PCCA: variants seen among roughly 807,000 people sequenced by gnomAD.
PCCA encodes propionyl-CoA carboxylase alpha chain, mitochondrial.
PCCA carries 74 observed loss-of-function variants against 101.3 expected under a neutral mutation model. That is an observed-to-expected ratio of 0.73 (90% CI 0.61 to 0.89). The LOEUF (loss-of-function observed/expected upper bound fraction) is 0.89, where lower values mean the gene tolerates loss of function less well. PCCA is among the 40% of genes least tolerant of loss of function. The pLI, the probability that PCCA is intolerant of heterozygous loss-of-function variation, is 0.00. For synonymous variants in PCCA, 294 were observed against 313.6 expected (o/e 0.94, Z 0.66); for missense variants, 891 against 907.0 (o/e 0.98, Z 0.23).
chr13:100,401,835 G>C lies in PCCA; in HGVS notation c.1747-23798G>C, dbSNP rs202138833. ...ATAATAGAATAGTCTTACTTTGTTTGCAGAATTAGAAGGATTTATCTAACA... is the reference window on the plus strand; with the variant it reads ...ATAATAGAATAGTCTTACTTTGTTTCCAGAATTAGAAGGATTTATCTAACA... On this transcript the variant is annotated intron_variant, in intron 19 of 23. Coordinates refer to ENST00000376285, the MANE Select transcript of PCCA (RefSeq NM_000282.4). Among the ~76,000 whole-genome samples the C allele has an allele frequency of 8.5e-5, 13 of 152,148 alleles. No homozygotes were observed. In the East Asian group the frequency reaches 2.5e-3, roughly 29 times the overall value.
intron 6 of PCCA, among the ~76,000 whole-genome samples, chr13:100,207,285 GTT>G (rs539755979): frequency 7.9e-5 from 12 of 152,166 alleles, no homozygotes; most frequent in Non-Finnish European, 1.3e-4. Flanking sequence ...CTTTTCTTTT[GTT>G]TTGCTTTTGG....
intron 10 of PCCA, among the ~76,000 whole-genome samples, chr13:100,266,082 G>T (rs1261950004): frequency 2.0e-5 from 3 of 152,150 alleles, no homozygotes; most frequent in Non-Finnish European, 2.9e-5. Context: ...TTGTAAGATC[G>T]TAGGGGCAGA....
At chr13:100,495,974 T>C (rs1204861200) in intron 21 of PCCA, among the ~76,000 whole-genome samples, 1 of 151,974 alleles carries the variant, frequency 6.6e-6, no homozygotes, top group Non-Finnish European at 1.5e-5. Context: ...TCTTTCTCTC[T>C]CTCTCTCTCT....
chr13:100,337,076 C>T (rs532933052), intron 17 of PCCA, among the ~76,000 whole-genome samples: 33 of 152,184 alleles, frequency 2.2e-4, no homozygotes, highest in African/African-American at 7.9e-4. Context: ...CGTTCACACT[C>T]GCTAAAAGGG....
At chr13:100,362,521 G>A (rs2074732369) in intron 18 of PCCA, among the ~76,000 whole-genome samples, 1 of 152,082 alleles carries the variant, frequency 6.6e-6, no homozygotes, top group Non-Finnish European at 1.5e-5. Context: ...TGTGGATGGA[G>A]GTCACACAGC....
intron 4 of PCCA, among the ~76,000 whole-genome samples, chr13:100,113,544 A>G (rs2048518285): frequency 6.6e-6 from 1 of 151,998 alleles, no homozygotes; most frequent in South Asian, 2.1e-4. Context: ...TTTAAATTAT[A>G]AACTTTTAAA....
At chr13:100,239,426 A>T (rs1334424165) in intron 8 of PCCA, among the ~76,000 whole-genome samples, 1 of 152,210 alleles carries the variant, frequency 6.6e-6, no homozygotes, top group African/African-American at 2.4e-5. Context: ...AATGTGTTAT[A>T]CATGGAATTA....
At chr13:100,247,399 G>T (rs1260907730) in intron 8 of PCCA, among the ~76,000 whole-genome samples, 4 of 150,610 alleles carry the variant, frequency 2.7e-5, no homozygotes, top group Non-Finnish European at 4.4e-5. Context: ...TGTATTTTCA[G>T]TAGAGACGAG....
At position 100,229,484 on chromosome 13, in the gene PCCA, A is replaced by T. The variant is rs374498108; in HGVS notation, c.601-6358A>T. Among the ~76,000 whole-genome samples, 146 of 152,340 alleles carry T rather than the reference A, an allele frequency of 9.6e-4. 4 individuals carry two copies. The South Asian group carries it at 0.028, about 29-fold the overall frequency. ...TTCTCAGCTCCCACAATTTAGCCTA[A>T]ATATTTGCCCTGGCATGCTTATACT... On this transcript the variant is annotated intron_variant, in intron 7 of 23. Transcript: ENST00000376285.
At chr13:100,317,336 G>C (rs547436016) in intron 16 of PCCA, among the ~76,000 whole-genome samples, 1 of 152,158 alleles carries the variant, frequency 6.6e-6, no homozygotes, top group African/African-American at 2.4e-5. Context: ...GTCTCACCCT[G>C]TTTTGGATTC....
intron 21 of PCCA, among the ~76,000 whole-genome samples, chr13:100,486,624 A>G (rs2084395905): frequency 6.6e-6 from 1 of 152,218 alleles, no homozygotes; most frequent in Non-Finnish European, 1.5e-5. Context: ...TACAAACACA[A>G]AGTTGAGGCT....
At chr13:100,283,777 A>G (rs1248394516) in intron 12 of PCCA, among the ~76,000 whole-genome samples, 1 of 152,256 alleles carries the variant, frequency 6.6e-6, no homozygotes, top group Non-Finnish European at 1.5e-5. Context: ...GAGGACAGAA[A>G]ATGGAGCAGG....
intron 16 of PCCA, among the ~76,000 whole-genome samples, chr13:100,320,987 C>T (rs1362441046): frequency 6.6e-6 from 1 of 152,086 alleles, no homozygotes; most frequent in East Asian, 1.9e-4. Flanking sequence ...CTCAAGCAGT[C>T]CTCCTCCCTC....
At chr13:100,284,002 G>T (rs2152634396) in intron 12 of PCCA, among the ~76,000 whole-genome samples, 1 of 152,310 alleles carries the variant, frequency 6.6e-6, no homozygotes, top group East Asian at 1.9e-4. Flanking sequence ...GCAAGCGCCA[G>T]CTCATGTCAT....
At chr13:100,307,304 T>A (rs1357588339) in intron 15 of PCCA, 44 bp downstream of exon 15, 1 of 1,293,614 alleles carries the variant, frequency 7.7e-7, no homozygotes, top group Admixed American at 1.7e-5. Flanking sequence ...CTTCGAAAAA[T>A]CAATGATATT....
intron 19 of PCCA, among the ~76,000 whole-genome samples, chr13:100,407,418 T>C (rs2077750713): frequency 6.6e-6 from 1 of 152,228 alleles, no homozygotes; most frequent in Non-Finnish European, 1.5e-5. Context: ...TAAAATAGAA[T>C]TCCAGATTAC....
At chr13:100,289,833 G>T (rs2064990489) in intron 12 of PCCA, among the ~76,000 whole-genome samples, 1 of 151,302 alleles carries the variant, frequency 6.6e-6, no homozygotes. Context: ...CTTTTTTTTA[G>T]CTCCCATGTA....
chr13:100,412,085 G>A (rs1029801440), intron 19 of PCCA, among the ~76,000 whole-genome samples: 1 of 152,234 alleles, frequency 6.6e-6, no homozygotes, highest in Non-Finnish European at 1.5e-5. Flanking sequence ...AATAGAGTTT[G>A]TGGATTAGTT....
intron 2 of PCCA, among the ~76,000 whole-genome samples, chr13:100,106,046 G>A (rs984208154): frequency 2.6e-5 from 4 of 151,922 alleles, no homozygotes; most frequent in African/African-American, 9.7e-5. Context: ...ACTCGGGCCC[G>A]ATCCCTAAAT....
Sources: allele counts gnomAD v4.1 joint callset (sites outside exome capture counted in the v4.1 genomes callset), GRCh38; gene constraint gnomAD v4.1.1; transcripts MANE v1.5; gene names NCBI Gene and HGNC (gene_info 2026-07-23, HGNC 2026-07-21).